Variants in FUT8 observed in about 807,000 individuals in gnomAD.
FUT8 encodes fucosyltransferase 8.
Under a neutral mutation model 71.3 loss-of-function variants are expected in FUT8, and 29 were observed. That is an observed-to-expected ratio of 0.41 (90% CI 0.30 to 0.55). FUT8 has a LOEUF of 0.55. Ranked by LOEUF, FUT8 falls within the 20% of genes least tolerant of loss-of-function variation. The pLI, the probability that FUT8 is intolerant of heterozygous loss-of-function variation, is 0.34. For missense variants in FUT8, 544 were observed against 702.1 expected (o/e 0.77, Z 2.55); for synonymous variants, 254 against 239.3 (o/e 1.06, Z -0.57).
At chr14:65,594,672 G>A (rs542266497) in intron 3 of FUT8, among the ~76,000 whole-genome samples, 11 of 152,248 alleles carry the variant, frequency 7.2e-5, no homozygotes, top group South Asian at 2.1e-4. Flanking sequence ...TTATTGAGTC[G>A]TGAAAGCAGT....
the FUT8 span, among the ~76,000 whole-genome samples, chr14:65,362,468 G>C: frequency 6.6e-6 from 1 of 151,930 alleles, no homozygotes; most frequent in Admixed American, 6.6e-5. Flanking sequence ...TTGAGCCCAG[G>C]AGTTCGAGGC....
At chr14:65,729,041 T>G (rs1002466058) in intron 9 of FUT8, among the ~76,000 whole-genome samples, 10 of 148,280 alleles carry the variant, frequency 6.7e-5, no homozygotes, top group Admixed American at 4.0e-4. Context: ...CATGTTTTTT[T>G]TTTTTTTTTT....
rs751327808 is a variant in FUT8, at chr14:65,616,269, C to G, written c.378C>G (p.Leu126=). The G allele has an allele frequency of 1.9e-6, 3 of 1,612,766 alleles. No individual in the cohort carries two copies. The African/African-American group carries it at 4.0e-5, about 22-fold the overall frequency. The change falls in exon 5 of 11, where the codon CTC becomes CTG. Residue 126 remains leucine, a synonymous_variant. Coordinates refer to ENST00000673929, the MANE Select transcript of FUT8 (RefSeq NM_001371533.1). ...GGATTGAAAATGGAGCTAAAGAGCTCTGGTTTTTCCTACAGAGTGAATTGA... is the reference window on the plus strand; with the variant it reads ...GGATTGAAAATGGAGCTAAAGAGCTGTGGTTTTTCCTACAGAGTGAATTGA... The part of the protein sequence containing the change: ...RRRIENGAKE[L]WFFLQSELKK...
intron 1 of FUT8, among the ~76,000 whole-genome samples, chr14:65,446,102 C>T (rs1360865219): frequency 2.6e-5 from 4 of 152,138 alleles, no homozygotes; most frequent in African/African-American, 7.2e-5. Context: ...TGTAATACTA[C>T]GTATATATGT....
At chr14:65,436,890 G>GCAT (rs2065570577) in intron 1 of FUT8, among the ~76,000 whole-genome samples, 1 of 152,128 alleles carries the variant, frequency 6.6e-6, no homozygotes, top group African/African-American at 2.4e-5. Context: ...CATTTAAAAA[G>GCAT]CATTTTTCAA....
chr14:65,566,529 C>T (rs1310861088), intron 3 of FUT8, among the ~76,000 whole-genome samples: 4 of 151,966 alleles, frequency 2.6e-5, no homozygotes, highest in Admixed American at 6.6e-5. Flanking sequence ...AGTTGGTTTT[C>T]AGCAGAGGAA....
intron 6 of FUT8, among the ~76,000 whole-genome samples, chr14:65,665,632 C>T (rs924780842): frequency 6.6e-6 from 1 of 152,098 alleles, no homozygotes; most frequent in Non-Finnish European, 1.5e-5. Flanking sequence ...TACATGTATG[C>T]ATATGTTCAT....
intron 2 of FUT8, among the ~76,000 whole-genome samples, chr14:65,541,790 A>G (rs1243699896): frequency 6.6e-6 from 1 of 152,214 alleles, no homozygotes; most frequent in Non-Finnish European, 1.5e-5. Context: ...ATTATAAGAT[A>G]TTTTGGTTTT....
chr14:65,404,700 CTT>C, the FUT8 span, among the ~76,000 whole-genome samples: 140 of 152,242 alleles, frequency 9.2e-4, no homozygotes, highest in African/African-American at 3.0e-3. Flanking sequence ...GTCTCGATCT[CTT>C]GACCTCGTGA....
chr14:65,593,203 A>G (rs1430461165), intron 3 of FUT8, among the ~76,000 whole-genome samples: 1 of 152,206 alleles, frequency 6.6e-6, no homozygotes, highest in Non-Finnish European at 1.5e-5. Flanking sequence ...AAACATAATC[A>G]CTTGCACCTC....
chr14:65,595,349 T>C (rs2140151835), intron 3 of FUT8, among the ~76,000 whole-genome samples: 1 of 152,270 alleles, frequency 6.6e-6, no homozygotes, highest in East Asian at 1.9e-4. Context: ...TATTTTAATA[T>C]GAACTAAAAA....
chr14:65,565,198 C>T (rs1886125469), intron 3 of FUT8, among the ~76,000 whole-genome samples: 2 of 151,894 alleles, frequency 1.3e-5, no homozygotes, highest in African/African-American at 4.8e-5. Context: ...CTATTCCATT[C>T]CCATGAGAAG....
rs1239747632 is a variant in FUT8 at position 65,574,867 on chromosome 14, G to A, written c.203+13101G>A. 6.6e-6 allele frequency among the ~76,000 whole-genome samples: 1 copy of A among 152,136 alleles called. No homozygotes were observed. Among genetic ancestry groups the A allele is most frequent in the East Asian group, 1.9e-4 (1 of 5,190 alleles). On this transcript the variant is annotated intron_variant, in intron 3 of 10. Coordinates refer to ENST00000673929, the MANE Select transcript of FUT8 (RefSeq NM_001371533.1). This position sits in a 1 kb window ranked among gnomAD's most constrained non-coding sequence, Gnocchi z 5.2. ...GCAGATTCTGTGAAACATATCCTCT[G>A]AGGAGGAACCATAAGCATGGCTTGA...
chr14:65,612,969 T>C (rs1401425957), intron 3 of FUT8, among the ~76,000 whole-genome samples: 1 of 152,200 alleles, frequency 6.6e-6, no homozygotes, highest in African/African-American at 2.4e-5. Context: ...ATTGACTCTT[T>C]TCTGGATGGA....
chr14:65,650,924 A>T (rs1365614591), intron 6 of FUT8, among the ~76,000 whole-genome samples: 1 of 152,060 alleles, frequency 6.6e-6, no homozygotes, highest in African/African-American at 2.4e-5. Context: ...GTAGCTATGG[A>T]GATTGTGCAT....
Position 65,574,672 on chromosome 14 carries a change from A to G in FUT8, c.203+12906A>G, listed in dbSNP as rs965951513. Among the ~76,000 whole-genome samples the G allele has an allele frequency of 6.6e-6, 1 of 152,320 alleles. No individual in the cohort carries two copies. Among genetic ancestry groups the G allele is most frequent in the South Asian group, 2.1e-4 (1 of 4,832 alleles). ...CTTCTTGTCTGTTTTAAAATGTTCT[A>G]GAATTGAGGTGGGTAGCATTTTTAC... On this transcript the variant is annotated intron_variant, in intron 3 of 10. Coordinates refer to ENST00000673929, the MANE Select transcript of FUT8 (RefSeq NM_001371533.1). The surrounding 1 kb of genome is among the most constrained non-coding windows in gnomAD (Gnocchi z 5.2).
chr14:65,494,861 G>C (rs996843310), intron 2 of FUT8, among the ~76,000 whole-genome samples: 1 of 152,068 alleles, frequency 6.6e-6, no homozygotes, highest in African/African-American at 2.4e-5. Context: ...TAAGGAAGTG[G>C]GGAGGAAGGT....
the FUT8 span, among the ~76,000 whole-genome samples, chr14:65,369,529 C>A: frequency 6.6e-6 from 1 of 151,850 alleles, no homozygotes; most frequent in Non-Finnish European, 1.5e-5. This position sits in a 1 kb window ranked among gnomAD's most constrained non-coding sequence, Gnocchi z 4.6. Context: ...GTCACAAAGA[C>A]CCTGCTGATA....
intron 7 of FUT8, among the ~76,000 whole-genome samples, chr14:65,687,337 A>G (rs1341174563): frequency 6.6e-6 from 1 of 152,190 alleles, no homozygotes; most frequent in East Asian, 1.9e-4. Flanking sequence ...CATAGAACTG[A>G]AGAAAAAAAG....
Sources: allele counts gnomAD v4.1 joint callset (sites outside exome capture counted in the v4.1 genomes callset), GRCh38; gene constraint gnomAD v4.1.1; non-coding constraint Gnocchi (gnomAD v3.1); transcripts MANE v1.5; gene names NCBI Gene and HGNC (gene_info 2026-07-23, HGNC 2026-07-21).